ADAP1: variants seen among roughly 807,000 people sequenced by gnomAD.
ADAP1 encodes ArfGAP with dual PH domains 1, also known as arf-GAP with dual PH domain-containing protein 1.
A neutral mutation model predicts 54.9 loss-of-function variants in ADAP1; 31 were observed. The observed-to-expected ratio is 0.56, with a 90% confidence interval of 0.42 to 0.76. The LOEUF (loss-of-function observed/expected upper bound fraction) is 0.76, where lower values mean the gene tolerates loss of function less well. ADAP1 is among the 30% of genes least tolerant of loss of function. The pLI, the probability that ADAP1 is intolerant of heterozygous loss-of-function variation, is 0.00. For synonymous variants in ADAP1, 313 were observed against 202.6 expected (o/e 1.55, Z -4.63); for missense variants, 535 against 512.4 (o/e 1.04, Z -0.42).
At chr7:901,109 A>G (rs1307198743) in intron 6 of ADAP1, 2 of 455,460 alleles carry the variant, frequency 4.4e-6, no homozygotes, top group Non-Finnish European at 9.1e-6. Context: ...GAGTGGGCAG[A>G]GAGCAAAACT....
At chr7:912,460 G>T (rs927649265) in intron 4 of ADAP1, among the ~76,000 whole-genome samples, 2 of 152,274 alleles carry the variant, frequency 1.3e-5, no homozygotes, top group African/African-American at 4.8e-5. Flanking sequence ...GCGTCCCCAC[G>T]CAGTGACCTT....
chr7:905,363 AGGGAAAGGGAAAG>A, intron 4 of ADAP1, 191 bp from the exon 5 acceptor site: 1 of 135,140 alleles, frequency 7.4e-6, no homozygotes, highest in Non-Finnish European at 1.3e-5. Context: ...GGGCAGGGAA[AGGGAAAGGGAAAG>A]GAGAAAGGAG....
In ADAP1 at chr7:938,418, G is replaced by T. The variant is rs1409807995; in HGVS notation, c.83-2913C>A. Among the ~76,000 whole-genome samples the T allele has an allele frequency of 6.6e-6, 1 of 152,178 alleles. No homozygotes were observed. The highest frequency in any genetic ancestry group is 1.5e-5 in the Non-Finnish European group (1 of 68,042). On this transcript the variant is annotated intron_variant, in intron 1 of 10. Coordinates refer to ENST00000265846, the MANE Select transcript of ADAP1 (RefSeq NM_006869.4). This position sits in a 1 kb window ranked among gnomAD's most constrained non-coding sequence, Gnocchi z 4.4. ...CTTGGGCTTGAACTCCTGGGCTCAA[G>T]CGATCCTCCTGTCTTGGCCTCCTAA...
chr7:937,421 G>A (rs890945300), intron 1 of ADAP1, among the ~76,000 whole-genome samples: 25 of 16,524 alleles, frequency 1.5e-3, no homozygotes, highest in East Asian at 4.2e-3. Flanking sequence ...GTCACGCCCG[G>A]CCTCTGGGAT....
In ADAP1 at chr7:899,990, C is replaced by T. The variant is rs769314165; in HGVS notation, c.795+112G>A. 6 of 1,311,476 alleles carry T rather than the reference C, an allele frequency of 4.6e-6. No homozygotes were observed. The African/African-American group carries it at 5.8e-5, about 13-fold the overall frequency. The allele number at this position is 1,311,476 out of a possible 1,614,324, so 81.2% of individuals were successfully genotyped here. On this transcript the variant is annotated intron_variant, in intron 8 of 10. Transcript: ENST00000265846. ...ACAGACAAGGGGCTGTGAGGACCCACCAGACACCAGTTTAAAACACAGGCG... is the reference window on the plus strand; with the variant it reads ...ACAGACAAGGGGCTGTGAGGACCCATCAGACACCAGTTTAAAACACAGGCG...
chr7:918,457 T>G (rs969844149), intron 4 of ADAP1, among the ~76,000 whole-genome samples: 2 of 152,204 alleles, frequency 1.3e-5, no homozygotes, highest in Admixed American at 6.5e-5. Context: ...TCCTCCTGCC[T>G]TGGCCTCCCA....
intron 1 of ADAP1, among the ~76,000 whole-genome samples, chr7:942,630 A>G (rs1583184685): frequency 4.9e-5 from 1 of 20,306 alleles, no homozygotes; most frequent in Non-Finnish European, 1.1e-4. Flanking sequence ...GAGGAGGAGG[A>G]AGGGAGGAGG....
chr7:934,456 C>T (rs1320061506), intron 2 of ADAP1, among the ~76,000 whole-genome samples: 9 of 152,048 alleles, frequency 5.9e-5, no homozygotes, highest in East Asian at 5.8e-4. Flanking sequence ...CCAGCCTCTA[C>T]GACCCTCCCC....
intron 4 of ADAP1, among the ~76,000 whole-genome samples, chr7:919,470 G>T (rs1169434562): frequency 6.6e-6 from 1 of 151,748 alleles, no homozygotes; most frequent in Non-Finnish European, 1.5e-5. Context: ...GGGGACGCGG[G>T]TTCAAACTCA....
chr7:899,589 C>G, intron 8 of ADAP1, 99 bp from the exon 9 acceptor site: 1 of 1,381,456 alleles, frequency 7.2e-7, no homozygotes, highest in Non-Finnish European at 9.8e-7. Flanking sequence ...CAGACTGGCC[C>G]GGGTCAGTCA....
intron 4 of ADAP1, among the ~76,000 whole-genome samples, chr7:909,281 G>GGACGC (rs1562917995): frequency 4.9e-5 from 2 of 41,028 alleles, no homozygotes; most frequent in African/African-American, 2.2e-4. Flanking sequence ...GCAGGCGCCA[G>GGACGC]CGGGAACCCC....
chr7:908,471 A>G (rs763697498), intron 4 of ADAP1, among the ~76,000 whole-genome samples: 5 of 152,026 alleles, frequency 3.3e-5, no homozygotes, highest in African/African-American at 7.2e-5. Flanking sequence ...CCAAGCCTCT[A>G]CAAGGCTGCT....
intron 4 of ADAP1, among the ~76,000 whole-genome samples, chr7:911,273 G>C (rs555543031): frequency 6.6e-6 from 1 of 152,256 alleles, no homozygotes; most frequent in Admixed American, 6.5e-5. Flanking sequence ...CCCCAGCATG[G>C]GGCCCGGCCC....
At chr7:919,941 G>A (rs2128104747) in intron 4 of ADAP1, 27 bp downstream of exon 4, 2 of 1,589,176 alleles carry the variant, frequency 1.3e-6, no homozygotes, top group Non-Finnish European at 8.5e-7. Context: ...GTAGCCGGGA[G>A]GCCCCACCCC....
intron 7 of ADAP1, 127 bp downstream of exon 7, chr7:900,406 C>T (rs371102715): frequency 4.4e-5 from 49 of 1,104,224 alleles, no homozygotes; most frequent in South Asian, 3.4e-4. Context: ...TCAGGGTGAG[C>T]CCTTGGCCAG....
At chr7:914,635 C>T (rs1266364433) in intron 4 of ADAP1, among the ~76,000 whole-genome samples, 2 of 152,164 alleles carry the variant, frequency 1.3e-5, no homozygotes, top group Non-Finnish European at 2.9e-5. Flanking sequence ...GCTCCCTCAT[C>T]CATCCAGCAA....
At chr7:943,584 T>G (rs111162067) in intron 1 of ADAP1, among the ~76,000 whole-genome samples, 118 of 4,478 alleles carry the variant, frequency 0.026, no homozygotes, top group East Asian at 0.069. Context: ...GGAGAGAGGA[T>G]GAGGAAGGGA....
chr7:900,638 G>A, intron 6 of ADAP1, 22 bp from the exon 7 acceptor site: 1 of 1,571,318 alleles, frequency 6.4e-7, no homozygotes, highest in Non-Finnish European at 8.6e-7. Context: ...GGTGGGCACA[G>A]GCTTGGGCTG....
Position 898,176 on chromosome 7 carries a change from A to G in ADAP1, c.*745T>C, listed in dbSNP as rs1022459022. The G allele has an allele frequency of 2.6e-5, 4 of 152,438 alleles. No homozygotes were observed. Among genetic ancestry groups the G allele is most frequent in the African/African-American group, 7.2e-5 (3 of 41,468 alleles). 9.4% of individuals were successfully genotyped at this position (152,438 alleles called of 1,614,324 possible). A position where few individuals can be genotyped will look rare whatever the true frequency, so the allele number is the denominator to read the frequency against. On this transcript the variant is annotated 3_prime_UTR_variant, in exon 11 of 11. Coordinates refer to ENST00000265846, the MANE Select transcript of ADAP1 (RefSeq NM_006869.4). ...ATACACGGCTGGGCCGCCTGCAGCA[A>G]GCGCGACAGTGCCCGGGACCCCCAG... is the stretch of plus-strand genomic sequence containing the variant.
Sources: allele counts gnomAD v4.1 joint callset (sites outside exome capture counted in the v4.1 genomes callset), GRCh38; gene constraint gnomAD v4.1.1; non-coding constraint Gnocchi (gnomAD v3.1); transcripts MANE v1.5; gene names NCBI Gene and HGNC (gene_info 2026-07-23, HGNC 2026-07-21).